The following PCSK2 variants were observed in gnomAD, a reference collection of about 807,000 sequenced individuals.
PCSK2 encodes the protein proprotein convertase subtilisin/kexin type 2.
Under a neutral mutation model 69.7 loss-of-function variants are expected in PCSK2, and 14 were observed. That is an observed-to-expected ratio of 0.20 (90% confidence interval 0.13 to 0.31). PCSK2 has a LOEUF of 0.31. Ranked by LOEUF, PCSK2 falls within the 10% of genes least tolerant of loss-of-function variation. The pLI is 1.00. For synonymous variants in PCSK2, 307 were observed against 320.7 expected, an observed-to-expected ratio of 0.96 and a Z score of 0.46; for missense variants, 544 against 842.5, an observed-to-expected ratio of 0.65 and a Z score of 4.39.
At chr20:17,297,764 C>T (rs1034650012) in intron 2 of PCSK2, among the ~76,000 whole-genome samples, 3 of 152,252 alleles carry the variant, frequency 2.0e-5, no homozygotes, top group African/African-American at 7.2e-5. Flanking sequence ...AGGATAAACA[C>T]TGCCACCTTT....
intron 10 of PCSK2, chr20:17,464,988 G>C (rs148276490): frequency 3.1e-6 from 1 of 320,210 alleles, no homozygotes; most frequent in Non-Finnish European, 6.0e-6. Flanking sequence ...TTACTTGCAC[G>C]CTCATCCACA....
intron 2 of PCSK2, among the ~76,000 whole-genome samples, chr20:17,338,847 A>G (rs902226428): frequency 6.6e-6 from 1 of 152,166 alleles, no homozygotes; most frequent in African/African-American, 2.4e-5. Context: ...CAAAGGGAAG[A>G]CAATCTCAAC....
In PCSK2 at chr20:17,483,253, G is replaced by C. The variant is rs1057413088; in HGVS notation, c.*1183G>C. 6.6e-6 allele frequency: 1 copy of C among 152,158 alleles called. No homozygotes were observed. The highest frequency in any genetic ancestry group is 1.5e-5 in the Non-Finnish European group (1 of 68,042). The allele number at this position is 152,158 out of a possible 1,614,324, so 9.4% of individuals were successfully genotyped here. ...GTATGGAGCCTCTTCTGCCAAGAGA[G>C]GGCCATGCAATTCATCCCAGAGGAA... On this transcript the variant is annotated 3_prime_UTR_variant, in exon 12 of 12. Coordinates refer to ENST00000262545, the MANE Select transcript of PCSK2 (RefSeq NM_002594.5).
At chr20:17,333,931 ATATATG>A (rs768471996) in intron 2 of PCSK2, among the ~76,000 whole-genome samples, 2 of 130,500 alleles carry the variant, frequency 1.5e-5, no homozygotes, top group African/African-American at 5.4e-5. Context: ...ATATATATAT[ATATATG>A]GCTTCAAATC....
intron 2 of PCSK2, among the ~76,000 whole-genome samples, chr20:17,344,662 C>A (rs1011893296): frequency 6.6e-6 from 1 of 152,032 alleles, no homozygotes; most frequent in Admixed American, 6.6e-5. Context: ...CCATTGAAAA[C>A]CTACAAGAAA....
intron 2 of PCSK2, among the ~76,000 whole-genome samples, chr20:17,290,231 A>G (rs1305546540): frequency 2.0e-5 from 3 of 152,190 alleles, no homozygotes; most frequent in Non-Finnish European, 4.4e-5. Flanking sequence ...ACTGCCTGGC[A>G]CACAGTAGGT....
chr20:17,374,101 T>C (rs1316134366), intron 5 of PCSK2, among the ~76,000 whole-genome samples: 1 of 152,232 alleles, frequency 6.6e-6, no homozygotes, highest in African/African-American at 2.4e-5. Context: ...CTATAATAAC[T>C]GGGTATTTTC....
At chr20:17,229,673 C>A (rs1047843130) in intron 1 of PCSK2, among the ~76,000 whole-genome samples, 2 of 151,882 alleles carry the variant, frequency 1.3e-5, no homozygotes, top group African/African-American at 2.4e-5. Context: ...CAGGTAGTAC[C>A]CCACAACCAA....
At chr20:17,253,457 C>A (rs1472766644) in intron 1 of PCSK2, among the ~76,000 whole-genome samples, 2 of 152,130 alleles carry the variant, frequency 1.3e-5, no homozygotes, top group Non-Finnish European at 2.9e-5. Context: ...AGAAGTGATA[C>A]AATATATGAC....
At chr20:17,388,750 A>G (rs1452294222) in intron 5 of PCSK2, among the ~76,000 whole-genome samples, 1 of 152,168 alleles carries the variant, frequency 6.6e-6, no homozygotes. Flanking sequence ...GCTGAATAGC[A>G]TTTATGATGC....
At chr20:17,324,984 A>G (rs1600492545) in intron 2 of PCSK2, among the ~76,000 whole-genome samples, 4 of 152,176 alleles carry the variant, frequency 2.6e-5, no homozygotes, top group Admixed American at 2.6e-4. Flanking sequence ...CACAGTGTGC[A>G]TAGAAGGCTC....
intron 2 of PCSK2, among the ~76,000 whole-genome samples, chr20:17,357,681 G>A (rs2030248100): frequency 6.6e-6 from 1 of 152,136 alleles, no homozygotes; most frequent in Non-Finnish European, 1.5e-5. Context: ...GATCACCTGA[G>A]ATTGGGAGTT....
At chr20:17,246,499 G>A (rs893190040) in intron 1 of PCSK2, among the ~76,000 whole-genome samples, 22 of 152,166 alleles carry the variant, frequency 1.4e-4, no homozygotes, top group Non-Finnish European at 2.9e-5. Context: ...TTAAAAAGGA[G>A]AATGTAAGTC....
intron 2 of PCSK2, among the ~76,000 whole-genome samples, chr20:17,278,275 GT>G (rs1175714579): frequency 2.6e-5 from 4 of 152,194 alleles, no homozygotes; most frequent in African/African-American, 9.6e-5. Flanking sequence ...GCACACGTAT[GT>G]TTATTATGGC....
chr20:17,364,936 C>T (rs7267727), intron 4 of PCSK2, among the ~76,000 whole-genome samples: 49,698 of 151,948 alleles, frequency 0.33, 8,708 homozygotes, highest in South Asian at 0.59. Context: ...AGAGTGCCCA[C>T]ATATTGTGCT....
At chr20:17,251,390 T>G (rs1986972747) in intron 1 of PCSK2, among the ~76,000 whole-genome samples, 1 of 152,220 alleles carries the variant, frequency 6.6e-6, no homozygotes, top group African/African-American at 2.4e-5. Flanking sequence ...TGGCTTTTAG[T>G]GAACAGGAAC....
chr20:17,357,280 G>A (rs2030236408), intron 2 of PCSK2, among the ~76,000 whole-genome samples: 2 of 152,322 alleles, frequency 1.3e-5, no homozygotes, highest in South Asian at 4.1e-4. Flanking sequence ...AATGTTGTCA[G>A]TGCAAGGACA....
intron 1 of PCSK2, among the ~76,000 whole-genome samples, chr20:17,230,286 T>C (rs1364981566): frequency 6.6e-6 from 1 of 152,154 alleles, no homozygotes; most frequent in African/African-American, 2.4e-5. Context: ...TATTCATCCA[T>C]ATGAAAGGTC....
chr20:17,321,837 C>A (rs1989877696), intron 2 of PCSK2, among the ~76,000 whole-genome samples: 1 of 152,064 alleles, frequency 6.6e-6, no homozygotes, highest in South Asian at 2.1e-4. Context: ...TTGTATCAGG[C>A]ATAGATTTAT....
Sources: allele counts gnomAD v4.1 joint callset (sites outside exome capture counted in the v4.1 genomes callset), GRCh38; gene constraint gnomAD v4.1.1; transcripts MANE v1.5; gene names NCBI Gene and HGNC (gene_info 2026-07-23, HGNC 2026-07-21).